Variants in GRIP1 observed in about 807,000 individuals in gnomAD.
GRIP1 encodes the protein glutamate receptor-interacting protein 1.
In GRIP1, 45 loss-of-function variants were observed where a neutral mutation model predicts 129.9. The ratio of observed to expected loss-of-function variants is 0.35; its 90% confidence interval spans 0.27 to 0.44. The LOEUF (loss-of-function observed/expected upper bound fraction) is 0.44. Ranked by LOEUF, GRIP1 falls within the 20% of genes least tolerant of loss-of-function variation. The pLI, the probability that GRIP1 is intolerant of heterozygous loss-of-function variation, is 1.00. For missense variants in GRIP1, 1,196 were observed against 1,396.8 expected (o/e 0.86, Z 2.29); for synonymous variants, 530 against 520.8 (o/e 1.02, Z -0.24).
At chr12:66,403,467 G>C (rs984252625) in intron 16 of GRIP1, among the ~76,000 whole-genome samples, 2 of 151,952 alleles carry the variant, frequency 1.3e-5, no homozygotes, top group African/African-American at 2.4e-5. Context: ...TTATATTTAT[G>C]ATGTTATGAG....
intron 1 of GRIP1, chr12:67,064,909 C>G (rs1282716664): frequency 7.8e-6 from 1 of 127,708 alleles, no homozygotes; most frequent in African/African-American, 2.9e-5. Context: ...CCCCTCCCCC[C>G]ACCCCACAAC....
chr12:66,780,561 A>G (rs1306705454), intron 1 of GRIP1, among the ~76,000 whole-genome samples: 1 of 152,200 alleles, frequency 6.6e-6, no homozygotes, highest in African/African-American at 2.4e-5. Context: ...AGGAAAGAGA[A>G]GATCCAGATG....
intron 1 of GRIP1, among the ~76,000 whole-genome samples, chr12:66,895,419 C>A (rs1481597042): frequency 6.6e-6 from 1 of 152,186 alleles, no homozygotes; most frequent in African/African-American, 2.4e-5. Flanking sequence ...GGCCTCCCAG[C>A]CACGTGAAAC....
At chr12:66,597,118 C>T (rs1481576354) in intron 1 of GRIP1, among the ~76,000 whole-genome samples, 191 bp from the exon 2 acceptor site, 1 of 152,070 alleles carries the variant, frequency 6.6e-6, no homozygotes, top group South Asian at 2.1e-4. Flanking sequence ...ATGTTTCTTC[C>T]CCTATAAAAG....
At chr12:66,579,583 C>A (rs1159786910) in intron 2 of GRIP1, among the ~76,000 whole-genome samples, 3 of 152,122 alleles carry the variant, frequency 2.0e-5, no homozygotes, top group Non-Finnish European at 4.4e-5. Context: ...AAGCTGAAAG[C>A]CAAGGCTCGA....
chr12:67,021,567 C>A (rs575004112), intron 1 of GRIP1, among the ~76,000 whole-genome samples: 3 of 152,056 alleles, frequency 2.0e-5, no homozygotes, highest in Non-Finnish European at 4.4e-5. Context: ...TGTTTTGATA[C>A]ATACAATGTA....
upstream of GRIP1, among the ~76,000 whole-genome samples, chr12:66,808,766 A>G (rs1356323434): frequency 6.6e-6 from 1 of 152,178 alleles, no homozygotes; most frequent in African/African-American, 2.4e-5. Flanking sequence ...GCCACCCATA[A>G]ATAAACATGT....
intron 11 of GRIP1, among the ~76,000 whole-genome samples, chr12:66,453,145 C>T (rs1328587932): frequency 6.6e-6 from 1 of 152,202 alleles, no homozygotes; most frequent in African/African-American, 2.4e-5. Flanking sequence ...TTATGCATAT[C>T]AGTGACAGCG....
intron 1 of GRIP1, among the ~76,000 whole-genome samples, chr12:66,907,728 G>A (rs144135877): frequency 1.2e-3 from 186 of 152,268 alleles, no homozygotes; most frequent in African/African-American, 4.1e-3. Context: ...ACTACATGAG[G>A]TTGGAAATAT....
Position 67,051,041 on chromosome 12 carries a change from G to A in GRIP1, c.58+18009C>T, listed in dbSNP as rs548157698. Among the ~76,000 whole-genome samples, 214 of 152,252 alleles carry A rather than the reference G, an allele frequency of 1.4e-3. 1 individual carries two copies. In the South Asian group the frequency reaches 0.018, roughly 13 times the overall value. The stretch of plus-strand genomic sequence containing the variant: ...ACTTGGGACATAGTAAAAGAACAAC[G>A]GAGGAGAGACAGACCAGCAGAAGAC... On this transcript the variant is annotated intron_variant, in intron 1 of 1. Transcript: ENST00000643019.
intron 1 of GRIP1, among the ~76,000 whole-genome samples, chr12:66,692,914 G>A (rs1220488663): frequency 6.6e-6 from 1 of 152,156 alleles, no homozygotes; most frequent in African/African-American, 2.4e-5. Context: ...CATGACTTGT[G>A]CTGAGGAGTC....
intron 7 of GRIP1, among the ~76,000 whole-genome samples, chr12:66,471,843 G>T (rs949959459): frequency 1.3e-5 from 2 of 152,190 alleles, no homozygotes; most frequent in Admixed American, 6.5e-5. Context: ...GCAAATCAAT[G>T]ATGGTGTCTC....
chr12:67,015,535 G>C (rs899627848), intron 1 of GRIP1, among the ~76,000 whole-genome samples: 4 of 152,166 alleles, frequency 2.6e-5, no homozygotes, highest in African/African-American at 9.6e-5. Flanking sequence ...CAGAGCTTTG[G>C]AGAAGCACTC....
intron 1 of GRIP1, among the ~76,000 whole-genome samples, chr12:66,653,298 A>C (rs553369969): frequency 6.6e-6 from 1 of 152,366 alleles, no homozygotes; most frequent in South Asian, 2.1e-4. Flanking sequence ...TAAAATACCA[A>C]ATTGTTAAAA....
intron 7 of GRIP1, among the ~76,000 whole-genome samples, chr12:66,478,918 T>C (rs2059710499): frequency 6.6e-6 from 1 of 152,054 alleles, no homozygotes; most frequent in Admixed American, 6.6e-5. Flanking sequence ...TTAGGAAATA[T>C]ACCTAGTGTA....
At chr12:67,060,700 G>A (rs1263988996) in intron 1 of GRIP1, among the ~76,000 whole-genome samples, 10 of 151,832 alleles carry the variant, frequency 6.6e-5, no homozygotes, top group Non-Finnish European at 1.2e-4. Flanking sequence ...GTGCACACCC[G>A]TAATCCCAGC....
chr12:66,524,712 A>C (rs1222489031), intron 5 of GRIP1, among the ~76,000 whole-genome samples: 3 of 152,254 alleles, frequency 2.0e-5, no homozygotes, highest in East Asian at 1.9e-4. Flanking sequence ...GACACAAAAA[A>C]CTCTTCAAAA....
chr12:66,563,385 GAA>G (rs1766231936), intron 2 of GRIP1: 1 of 152,116 alleles, frequency 6.6e-6, no homozygotes, highest in African/African-American at 2.4e-5. Flanking sequence ...TTCAAAACCT[GAA>G]GTTTTTCTCA....
At chr12:66,390,735 A>G (rs2056552572) in intron 19 of GRIP1, among the ~76,000 whole-genome samples, 1 of 152,216 alleles carries the variant, frequency 6.6e-6, no homozygotes, top group Non-Finnish European at 1.5e-5. Context: ...TAAATAACCA[A>G]TACACAATAA....
Sources: gnomAD v4.1 joint callset for allele counts (sites outside exome capture counted in the v4.1 genomes callset) on GRCh38, gnomAD v4.1.1 for gene constraint, MANE v1.5 for transcripts, NCBI Gene and HGNC (gene_info 2026-07-23, HGNC 2026-07-21) for gene names.